TCERG1L: variants seen among roughly 807,000 people sequenced by gnomAD.
TCERG1L encodes transcription elongation regulator 1 like.
TCERG1L carries 37 observed loss-of-function variants against 56.3 expected under a neutral mutation model. The observed-to-expected ratio is 0.66, with a 90% confidence interval of 0.51 to 0.87. The LOEUF (loss-of-function observed/expected upper bound fraction) is 0.87. Ranked by LOEUF, TCERG1L falls within the 40% of genes least tolerant of loss-of-function variation. The pLI, the probability that TCERG1L is intolerant of heterozygous loss-of-function variation, is 0.00. For synonymous variants in TCERG1L, 324 were observed against 326.3 expected (o/e 0.99, Z 0.08); for missense variants, 799 against 774.2 (o/e 1.03, Z -0.38).
chr10:131,209,097 G>C (rs955746020), intron 4 of TCERG1L, among the ~76,000 whole-genome samples: 3 of 151,068 alleles, frequency 2.0e-5, no homozygotes, highest in Non-Finnish European at 2.9e-5. Flanking sequence ...CTTTGTTTCA[G>C]GTACAAAATT....
intron 6 of TCERG1L, among the ~76,000 whole-genome samples, chr10:131,151,203 C>A (rs1845862579): frequency 6.6e-6 from 1 of 152,196 alleles, no homozygotes; most frequent in African/African-American, 2.4e-5. Flanking sequence ...CCCCCAAAGT[C>A]TTAATTCATT....
rs887837553 is a variant in TCERG1L at position 131,224,204 on chromosome 10, T to C, written c.856+36055A>G. ...TGGAAACTCTCACCCCATTATTCCCTGGGGCTCCTCTCCAAGCCTCGGATG... is the reference window on the plus strand; with the variant it reads ...TGGAAACTCTCACCCCATTATTCCCCGGGGCTCCTCTCCAAGCCTCGGATG... On this transcript the variant is annotated intron_variant, in intron 4 of 11. Coordinates refer to ENST00000368642, the MANE Select transcript of TCERG1L (RefSeq NM_174937.4). 6.0e-4 allele frequency among the ~76,000 whole-genome samples: 91 copies of C among 152,212 alleles called. No individual in the cohort carries two copies. In the Middle Eastern group the frequency reaches 0.02, roughly 34 times the overall value.
At chr10:131,302,660 G>A (rs1280784656) in intron 3 of TCERG1L, among the ~76,000 whole-genome samples, 2 of 148,290 alleles carry the variant, frequency 1.3e-5, no homozygotes, top group African/African-American at 5.0e-5. Context: ...TAAGTTCTGG[G>A]ATACATGTGC....
chr10:131,228,662 G>C (rs1218921033), intron 4 of TCERG1L, among the ~76,000 whole-genome samples: 1 of 57,748 alleles, frequency 1.7e-5, no homozygotes, highest in Non-Finnish European at 3.5e-5. Context: ...CAAGGCCTCC[G>C]GAGTCTCCCC....
At chr10:131,192,289 T>C (rs1451276505) in intron 4 of TCERG1L, among the ~76,000 whole-genome samples, 1 of 144,252 alleles carries the variant, frequency 6.9e-6, no homozygotes, top group East Asian at 1.9e-4. Context: ...ACATAGTTAA[T>C]CATCAGACAA....
chr10:131,190,127 T>C (rs935810432), intron 4 of TCERG1L, among the ~76,000 whole-genome samples: 5 of 152,214 alleles, frequency 3.3e-5, no homozygotes, highest in African/African-American at 4.8e-5. Flanking sequence ...AAAAGATCAT[T>C]TGAGACTCCT....
chr10:131,233,739 G>T (rs188833257), intron 4 of TCERG1L, among the ~76,000 whole-genome samples: 142 of 152,262 alleles, frequency 9.3e-4, no homozygotes, highest in Admixed American at 4.6e-3. Context: ...CTTAACTCCT[G>T]CTATGCTTCG....
intron 9 of TCERG1L, among the ~76,000 whole-genome samples, chr10:131,109,017 GGGCCCC>G (rs1845383316): frequency 6.6e-6 from 1 of 152,034 alleles, no homozygotes; most frequent in East Asian, 1.9e-4. Context: ...GGTGTGACAT[GGGCCCC>G]GTCCACGCTC....
rs141914584 is a variant in TCERG1L at position 131,232,452 on chromosome 10, C to G, written c.856+27807G>C. On this transcript the variant is annotated intron_variant, in intron 4 of 11. Transcript: ENST00000368642. ...GCTAACAGGCAGTGCACACCCCAGA[C>G]CGTACACGCACACGCTCACCTGGCA... 1.1e-3 allele frequency among the ~76,000 whole-genome samples: 160 copies of G among 152,344 alleles called. 1 individual carries two copies. Among genetic ancestry groups the G allele is most frequent in the Middle Eastern group, 6.8e-3 (2 of 294 alleles).
intron 4 of TCERG1L, among the ~76,000 whole-genome samples, chr10:131,170,400 C>T (rs1846076738): frequency 6.6e-6 from 1 of 152,152 alleles, no homozygotes; most frequent in South Asian, 2.1e-4. Flanking sequence ...AGACCATGGG[C>T]GCTAAAGTAC....
At chr10:131,244,030 C>T (rs574863492) in intron 4 of TCERG1L, among the ~76,000 whole-genome samples, 5 of 152,348 alleles carry the variant, frequency 3.3e-5, no homozygotes, top group African/African-American at 1.2e-4. Flanking sequence ...AACTATCTTC[C>T]TCTTTCACAA....
At chr10:131,184,821 A>G (rs1201861330) in intron 4 of TCERG1L, among the ~76,000 whole-genome samples, 1 of 152,238 alleles carries the variant, frequency 6.6e-6, no homozygotes, top group East Asian at 1.9e-4. Context: ...GGATCAACAC[A>G]GTGTCCTCAA....
At chr10:131,291,058 G>C (rs1229902422) in intron 3 of TCERG1L, among the ~76,000 whole-genome samples, 1 of 152,162 alleles carries the variant, frequency 6.6e-6, no homozygotes, top group Non-Finnish European at 1.5e-5. Flanking sequence ...AATTTAAGGA[G>C]AACATTCCAC....
intron 3 of TCERG1L, among the ~76,000 whole-genome samples, chr10:131,274,923 C>G (rs1846377216): frequency 6.6e-6 from 1 of 152,204 alleles, no homozygotes; most frequent in African/African-American, 2.4e-5. Context: ...CAGGCAGGCT[C>G]GAGATCTCAG....
chr10:131,146,442 G>A (rs41282896), intron 7 of TCERG1L, 64 bp downstream of exon 7: 14,517 of 1,413,336 alleles, frequency 0.01, 96 homozygotes, highest in Non-Finnish European at 0.012. Context: ...TTCACTTTAC[G>A]TTCATTAGAA....
At chr10:131,257,671 G>A (rs959406023) in intron 4 of TCERG1L, among the ~76,000 whole-genome samples, 2 of 151,210 alleles carry the variant, frequency 1.3e-5, no homozygotes, top group African/African-American at 2.4e-5. Context: ...GCTGCCTGGG[G>A]GTTGTAGGAT....
rs768659906 is a variant in TCERG1L at position 131,163,103 on chromosome 10, A to G, written c.1034+19T>C. Reference sequence around the variant, plus strand: ...GACAACGCCATTGCTAGTGGCTCTCAGGCTTTGGGGTGTCTTACCAGGGGG... The same window carrying G: ...GACAACGCCATTGCTAGTGGCTCTCGGGCTTTGGGGTGTCTTACCAGGGGG... On this transcript the variant is annotated intron_variant, in intron 6 of 11. Transcript: ENST00000368642. 6.5e-7 allele frequency: 1 copy of G among 1,534,090 alleles called. No homozygotes were observed. Among genetic ancestry groups the G allele is most frequent in the Non-Finnish European group, 8.7e-7 (1 of 1,143,644 alleles).
At chr10:131,115,849 G>C (rs943969994) in intron 9 of TCERG1L, among the ~76,000 whole-genome samples, 1 of 152,128 alleles carries the variant, frequency 6.6e-6, no homozygotes, top group Non-Finnish European at 1.5e-5. Context: ...ACCCTGTGAG[G>C]GTTCTGCTCA....
At chr10:131,211,004 C>T (rs190947592) in intron 4 of TCERG1L, among the ~76,000 whole-genome samples, 74 of 152,348 alleles carry the variant, frequency 4.9e-4, no homozygotes, top group Admixed American at 4.2e-3. Flanking sequence ...CAAAATCAAA[C>T]GTCTAAGGAC....
Sources: allele counts gnomAD v4.1 joint callset (sites outside exome capture counted in the v4.1 genomes callset), GRCh38; gene constraint gnomAD v4.1.1; transcripts MANE v1.5; gene names NCBI Gene and HGNC (gene_info 2026-07-23, HGNC 2026-07-21).